Variants in ZBTB25 observed in about 807,000 individuals in gnomAD.
The protein encoded by ZBTB25 is zinc finger and BTB domain containing 25, also known as zinc finger and BTB domain-containing protein 25.
Under a neutral mutation model 34.2 loss-of-function variants are expected in ZBTB25, and 20 were observed. The ratio of observed to expected loss-of-function variants is 0.58; its 90% CI spans 0.41 to 0.85. The LOEUF (loss-of-function observed/expected upper bound fraction) is 0.85, where lower values mean the gene tolerates loss of function less well. Ranked by LOEUF, ZBTB25 falls within the 40% of genes least tolerant of loss-of-function variation. The pLI, the probability that ZBTB25 is intolerant of heterozygous loss-of-function variation, is 0.00. For synonymous variants in ZBTB25, 175 were observed against 186.4 expected, an observed-to-expected ratio of 0.94 and a Z score of 0.50; for missense variants, 437 against 521.8, an observed-to-expected ratio of 0.84 and a Z score of 1.58.
At chr14:64,504,816 A>C (rs1210161129), upstream of ZBTB25, 1 of 389,372 alleles carries the variant, frequency 2.6e-6, no homozygotes, top group Non-Finnish European at 4.5e-6. Context: ...CGCGCAGCCC[A>C]GCCCGAGCGC....
chr14:64,494,918 T>G lies in ZBTB25; in HGVS notation c.-7-4378A>C, dbSNP rs116976909. Among the ~76,000 whole-genome samples the G allele has an allele frequency of 5.6e-4, 85 of 152,378 alleles. 2 individuals carry two copies. The East Asian group carries it at 0.016, about 29-fold the overall frequency. ...TCTGTCATATCTGATCTGTTAAATC[T>G]ATTCAAGATTGTTTCAGATATTGTA... is the stretch of plus-strand genomic sequence containing the variant. On this transcript the variant is annotated intron_variant, in intron 1 of 2. Coordinates refer to ENST00000608382, the MANE Select transcript of ZBTB25 (RefSeq NM_006977.5).
chr14:64,453,172 CTA>C (rs774233482), intron 2 of ZBTB25, among the ~76,000 whole-genome samples: 1 of 151,790 alleles, frequency 6.6e-6, no homozygotes. Context: ...GTATCTATAT[CTA>C]TATATATATG....
downstream of ZBTB25, chr14:64,473,069 C>CT (rs1199730829): frequency 6.0e-6 from 1 of 167,032 alleles, no homozygotes; most frequent in Non-Finnish European, 1.5e-5. Context: ...TATCATTCCT[C>CT]TTTTAAGACT....
At chr14:64,455,862 T>G (rs1421044645) in intron 2 of ZBTB25, among the ~76,000 whole-genome samples, 1 of 152,218 alleles carries the variant, frequency 6.6e-6, no homozygotes, top group Non-Finnish European at 1.5e-5. Context: ...CACATCACAG[T>G]GGTGCTTAGC....
downstream of ZBTB25, chr14:64,473,186 T>C (rs969963452): frequency 2.4e-5 from 4 of 167,040 alleles, no homozygotes; most frequent in African/African-American, 9.7e-5. Flanking sequence ...TTATAGGATA[T>C]AAAAATAGTA....
intron 2 of ZBTB25, 43 bp downstream of exon 2, chr14:64,490,318 A>G (rs762338078): frequency 6.9e-7 from 1 of 1,448,958 alleles, no homozygotes; most frequent in South Asian, 1.5e-5. Context: ...GCTTATATAA[A>G]TCACAATATT....
In ZBTB25 at chr14:64,482,725, G is replaced by T. The variant is rs2078808638; in HGVS notation, c.*4198C>A. On this transcript the variant is annotated 3_prime_UTR_variant, in exon 3 of 3. Transcript: ENST00000608382. ...TCTGTCAATTAGTTATTGAATATTA[G>T]ATAGTACATTACTGCTTTTAAGAAC... is the stretch of plus-strand genomic sequence containing the variant. 6.6e-6 allele frequency: 1 copy of T among 152,194 alleles called. No homozygotes were observed. The highest frequency in any genetic ancestry group is 1.9e-4 in the East Asian group (1 of 5,202). The allele number at this position is 152,194 out of a possible 1,614,324, so 9.4% of individuals were successfully genotyped here.
intron 1 of ZBTB25, among the ~76,000 whole-genome samples, chr14:64,500,941 C>T (rs2079474807): frequency 6.6e-6 from 1 of 152,202 alleles, no homozygotes; most frequent in Non-Finnish European, 1.5e-5. Flanking sequence ...ATCCCAGCTA[C>T]TCGGGAGGCT....
intron 2 of ZBTB25, chr14:64,458,510 G>A: frequency 1.7e-6 from 1 of 596,430 alleles, no homozygotes; most frequent in South Asian, 1.9e-5. Flanking sequence ...ACACATTTTT[G>A]GAAGAAGCGC....
At chr14:64,500,563 CGAG>C (rs2079456454) in intron 1 of ZBTB25, among the ~76,000 whole-genome samples, 1 of 151,276 alleles carries the variant, frequency 6.6e-6, no homozygotes, top group South Asian at 2.1e-4. Flanking sequence ...TTTAGGAGGC[CGAG>C]GAGGGTGGAT....
Position 64,486,037 on chromosome 14 carries a change from C to A in ZBTB25, c.*886G>T. ...TTTTTATTAAAAATGAGATATACCACATCTGTAATCCCAGCACTTTGGGAG... is the reference window on the plus strand; with the variant it reads ...TTTTTATTAAAAATGAGATATACCAAATCTGTAATCCCAGCACTTTGGGAG... On this transcript the variant is annotated 3_prime_UTR_variant, in exon 3 of 3. Transcript: ENST00000608382. 1 of 983,840 alleles carries A rather than the reference C, an allele frequency of 1.0e-6. No individual in the cohort carries two copies. The highest frequency in any genetic ancestry group is 1.2e-6 in the Non-Finnish European group (1 of 828,588). The allele number at this position is 983,840 out of a possible 1,614,324, so 60.9% of individuals were successfully genotyped here.
At chr14:64,477,523 G>C (rs1026232656), downstream of ZBTB25, among the ~76,000 whole-genome samples, 3 of 152,204 alleles carry the variant, frequency 2.0e-5, no homozygotes, top group African/African-American at 7.2e-5. Context: ...GAAATGAGAA[G>C]TGGTTAGCTA....
At chr14:64,476,450 C>T (rs1384652359), downstream of ZBTB25, among the ~76,000 whole-genome samples, 1 of 152,170 alleles carries the variant, frequency 6.6e-6, no homozygotes, top group Non-Finnish European at 1.5e-5. Context: ...CTCAGCCTGC[C>T]GCTGAGATTA....
upstream of ZBTB25, chr14:64,504,957 G>T: frequency 2.5e-6 from 1 of 395,136 alleles, no homozygotes; most frequent in Non-Finnish European, 4.5e-6. Flanking sequence ...GTAAGTATTT[G>T]CCAGTTGTGG....
At chr14:64,496,337 A>ATT in intron 1 of ZBTB25, among the ~76,000 whole-genome samples, 1 of 151,850 alleles carries the variant, frequency 6.6e-6, no homozygotes, top group East Asian at 1.9e-4. Flanking sequence ...ACAAAAAAAA[A>ATT]AGCTGGGCAC....
At chr14:64,495,755 G>C (rs1311357033) in intron 1 of ZBTB25, among the ~76,000 whole-genome samples, 1 of 152,012 alleles carries the variant, frequency 6.6e-6, no homozygotes, top group Non-Finnish European at 1.5e-5. Flanking sequence ...TCGGGAGTTC[G>C]AGACCAGCCT....
intron 1 of ZBTB25, among the ~76,000 whole-genome samples, chr14:64,501,906 A>G (rs904036462): frequency 5.9e-5 from 9 of 152,230 alleles, no homozygotes; most frequent in African/African-American, 2.2e-4. Flanking sequence ...CACAGGCGCC[A>G]ATAAATCAGC....
intron 2 of ZBTB25, chr14:64,472,845 TTC>T (rs1449757802): frequency 1.8e-5 from 3 of 167,064 alleles, no homozygotes; most frequent in Non-Finnish European, 2.9e-5. Context: ...TATAAATAAG[TTC>T]TGTTTCAATT....
chr14:64,487,918 C>A lies in ZBTB25; in HGVS notation c.313G>T (p.Asp105Tyr), dbSNP rs199982554. The change falls in exon 3 of 3, where the codon GAC becomes TAC. Residue 105 changes from aspartate to tyrosine, a missense_variant. Coordinates refer to ENST00000608382, the MANE Select transcript of ZBTB25 (RefSeq NM_006977.5). ...TCAGTTGCAATGTGAGAAAGGTAGT[C>A]GGCGTGAAGAAATCGAATCCCTTCC... ...LEEGIRFLHA[D>Y]YLSHIATEMN... The A allele has an allele frequency of 2.5e-6, 4 of 1,613,976 alleles. No individual in the cohort carries two copies. The highest frequency in any genetic ancestry group is 1.3e-5 in the African/African-American group (1 of 74,894).
Sources: allele counts gnomAD v4.1 joint callset (sites outside exome capture counted in the v4.1 genomes callset), GRCh38; gene constraint gnomAD v4.1.1; transcripts MANE v1.5; gene names NCBI Gene and HGNC (gene_info 2026-07-23, HGNC 2026-07-21).